NDUFAF2: variants seen among roughly 807,000 people sequenced by gnomAD.
The protein encoded by NDUFAF2 is NADH:ubiquinone oxidoreductase complex assembly factor 2, also known as NADH dehydrogenase [ubiquinone] 1 alpha subcomplex assembly factor 2.
In NDUFAF2, 13 loss-of-function variants were observed where a neutral mutation model predicts 22.8. The observed-to-expected ratio is 0.57, with a 90% CI of 0.37 to 0.91. NDUFAF2 has a LOEUF of 0.91. NDUFAF2 is among the 40% of genes least tolerant of loss of function. NDUFAF2 has a pLI of 0.01. For missense variants in NDUFAF2, 162 were observed against 195.2 expected (o/e 0.83, Z 1.01); for synonymous variants, 53 against 64.2 (o/e 0.83, Z 0.84).
At chr5:60,993,960 G>A (rs868616751) in intron 1 of NDUFAF2, among the ~76,000 whole-genome samples, 2 of 152,256 alleles carry the variant, frequency 1.3e-5, no homozygotes, top group Non-Finnish European at 2.9e-5. Flanking sequence ...CTGACCTGAA[G>A]GTGGGGCCTC....
chr5:61,134,709 A>G (rs1740885385), intron 3 of NDUFAF2, among the ~76,000 whole-genome samples: 1 of 152,116 alleles, frequency 6.6e-6, no homozygotes, highest in Non-Finnish European at 1.5e-5. Context: ...AAAAATTAAA[A>G]GAAATTAATT....
rs1741156798 is a variant in NDUFAF2 at position 61,147,437 on chromosome 5, C to CTTTTTTTTTTCTT, written c.259-5257_259-5256insCTTTTTTTTTTTT. 4.7e-5 allele frequency among the ~76,000 whole-genome samples: 4 copies of CTTTTTTTTTTCTT among 84,728 alleles called. 1 individual carries two copies. In the Admixed American group the frequency reaches 6.7e-4, roughly 14 times the overall value. The allele number at this position is 84,728 out of a possible 152,430, so 55.6% of individuals were successfully genotyped here. A position where few individuals can be genotyped will look rare whatever the true frequency, so the allele number is the denominator to read the frequency against. ...CTAATTTTTGTATTTTTTTTTCTTT[C>CTTTTTTTTTTCTT]TTTTTTTTTTTTTTTTTGTAGCAAC... On this transcript the variant is annotated intron_variant, in intron 3 of 3. Transcript: ENST00000296597.
chr5:60,996,028 A>G (rs1751224379), intron 1 of NDUFAF2, among the ~76,000 whole-genome samples: 1 of 152,054 alleles, frequency 6.6e-6, no homozygotes, highest in African/African-American at 2.4e-5. Flanking sequence ...CCTAGGACTC[A>G]CCCTTCAGGA....
intron 1 of NDUFAF2, among the ~76,000 whole-genome samples, chr5:60,988,121 A>G (rs1751107155): frequency 6.6e-6 from 1 of 152,180 alleles, no homozygotes; most frequent in African/African-American, 2.4e-5. Flanking sequence ...AATTAGTAGC[A>G]TTTCTTTACA....
chr5:61,076,759 A>G (rs1387608271), intron 2 of NDUFAF2, among the ~76,000 whole-genome samples: 2 of 152,196 alleles, frequency 1.3e-5, no homozygotes, highest in East Asian at 3.9e-4. Flanking sequence ...ACTTAGGGGA[A>G]CATAGGCAAA....
At chr5:61,120,176 A>C (rs1752959291) in intron 3 of NDUFAF2, among the ~76,000 whole-genome samples, 1 of 152,176 alleles carries the variant, frequency 6.6e-6, no homozygotes, top group African/African-American at 2.4e-5. Context: ...TTCTTTGATA[A>C]TGACCTCTAC....
At chr5:61,070,083 A>T (rs868316681) in intron 1 of NDUFAF2, among the ~76,000 whole-genome samples, 1 of 152,096 alleles carries the variant, frequency 6.6e-6, no homozygotes. Context: ...AATGTCAATT[A>T]TTTTTGTTGT....
intron 2 of NDUFAF2, among the ~76,000 whole-genome samples, chr5:61,085,229 T>C (rs1752492239): frequency 6.6e-6 from 1 of 152,176 alleles, no homozygotes; most frequent in Non-Finnish European, 1.5e-5. Context: ...ATCCCAGTAA[T>C]ACAGATTGGT....
intron 1 of NDUFAF2, among the ~76,000 whole-genome samples, chr5:61,050,092 T>C (rs966968379): frequency 6.6e-6 from 1 of 152,014 alleles, no homozygotes; most frequent in Admixed American, 6.6e-5. Flanking sequence ...TACCCAGAAA[T>C]GGAATTGCTG....
intron 1 of NDUFAF2, among the ~76,000 whole-genome samples, chr5:61,030,359 A>G (rs747805931): frequency 2.0e-5 from 3 of 152,110 alleles, no homozygotes; most frequent in Non-Finnish European, 4.4e-5. Context: ...TCTGGGTTAC[A>G]TTATACAGAC....
intron 1 of NDUFAF2, among the ~76,000 whole-genome samples, chr5:61,046,032 G>C (rs146994490): frequency 3.7e-4 from 56 of 152,196 alleles, no homozygotes; most frequent in Non-Finnish European, 6.2e-4. Flanking sequence ...AAAGCATGTT[G>C]AATTGTGTCA....
chr5:61,102,759 C>G (rs1315431769), intron 3 of NDUFAF2, among the ~76,000 whole-genome samples: 1 of 151,940 alleles, frequency 6.6e-6, no homozygotes, highest in Non-Finnish European at 1.5e-5. Flanking sequence ...GGAATTGTAT[C>G]TAGGCTATAT....
chr5:61,043,259 A>G (rs1352106946), intron 1 of NDUFAF2, among the ~76,000 whole-genome samples: 2 of 152,188 alleles, frequency 1.3e-5, no homozygotes, highest in African/African-American at 4.8e-5. Context: ...TTAGAGGGAC[A>G]GAGGGATAAA....
intron 1 of NDUFAF2, among the ~76,000 whole-genome samples, chr5:60,952,359 A>G (rs1180116468): frequency 1.3e-5 from 2 of 151,988 alleles, no homozygotes; most frequent in African/African-American, 4.8e-5. Flanking sequence ...TCTTGTAGGC[A>G]CTGTTTTGGC....
intron 3 of NDUFAF2, among the ~76,000 whole-genome samples, chr5:61,113,073 T>C (rs1752865932): frequency 6.6e-6 from 1 of 152,154 alleles, no homozygotes; most frequent in African/African-American, 2.4e-5. Flanking sequence ...TTCTTAAGTT[T>C]TGTTGTTTCA....
intron 3 of NDUFAF2, among the ~76,000 whole-genome samples, chr5:61,122,923 T>A (rs982464764): frequency 6.6e-6 from 1 of 152,162 alleles, no homozygotes; most frequent in African/African-American, 2.4e-5. Context: ...CTGTGGGGAA[T>A]CAACTTGGAA....
intron 1 of NDUFAF2, among the ~76,000 whole-genome samples, chr5:61,060,487 T>C (rs571939981): frequency 6.6e-6 from 1 of 152,280 alleles, no homozygotes; most frequent in Non-Finnish European, 1.5e-5. Flanking sequence ...CAAACTGATT[T>C]AGAATTATCA....
intron 1 of NDUFAF2, among the ~76,000 whole-genome samples, chr5:60,950,262 T>C (rs1378502580): frequency 2.0e-5 from 3 of 152,092 alleles, no homozygotes; most frequent in Middle Eastern, 3.2e-3. Context: ...TCTTGGCTCA[T>C]TGCAACCTCC....
chr5:61,048,045 A>C (rs1372144068), intron 1 of NDUFAF2, among the ~76,000 whole-genome samples: 1 of 152,138 alleles, frequency 6.6e-6, no homozygotes, highest in African/African-American at 2.4e-5. Flanking sequence ...TTTCCCTCTC[A>C]CAAGTGCCTT....
Sources: allele counts gnomAD v4.1 joint callset (sites outside exome capture counted in the v4.1 genomes callset), GRCh38; gene constraint gnomAD v4.1.1; transcripts MANE v1.5; gene names NCBI Gene and HGNC (gene_info 2026-07-23, HGNC 2026-07-21).